The following CRYZ variants were observed in gnomAD, a reference collection of about 807,000 sequenced individuals.
CRYZ encodes the protein crystallin zeta, also known as zeta-crystallin.
CRYZ carries 35 observed loss-of-function variants against 34.1 expected under a neutral mutation model. The ratio of observed to expected loss-of-function variants is 1.03; its 90% CI spans 0.78 to 1.36. CRYZ has a LOEUF of 1.36. Ranked by LOEUF, CRYZ falls within the 40% of genes most tolerant of loss-of-function variation. The probability of loss-of-function intolerance (pLI) is 0.00; values close to 1 mark genes in which losing one functional copy is unlikely to be tolerated. For synonymous variants in CRYZ, 137 were observed against 136.5 expected, an observed-to-expected ratio of 1.00 and a Z score of -0.03; for missense variants, 403 against 391.8, an observed-to-expected ratio of 1.03 and a Z score of -0.24.
At chr1:74,714,983 C>G (rs915582961) in intron 4 of CRYZ, among the ~76,000 whole-genome samples, 1 of 152,092 alleles carries the variant, frequency 6.6e-6, no homozygotes. Flanking sequence ...CCATATATCC[C>G]CCACAGAAAG....
chr1:74,707,430 G>A, intron 6 of CRYZ: 1 of 303,250 alleles, frequency 3.3e-6, no homozygotes, highest in South Asian at 9.6e-5. Flanking sequence ...TAAATACATT[G>A]CTGTAGTGAA....
chr1:74,724,136 A>G (rs1647221553), intron 2 of CRYZ, among the ~76,000 whole-genome samples: 1 of 152,210 alleles, frequency 6.6e-6, no homozygotes, highest in Admixed American at 6.6e-5. Context: ...GTATCTCTAC[A>G]TGGAGAGGAA....
chr1:74,711,527 T>G (rs886604154), intron 5 of CRYZ, among the ~76,000 whole-genome samples: 2 of 152,234 alleles, frequency 1.3e-5, no homozygotes, highest in African/African-American at 4.8e-5. Flanking sequence ...CTGTCTCCTA[T>G]GTCTTTGGCC....
At chr1:74,719,571 T>C (rs1294062700) in intron 3 of CRYZ, among the ~76,000 whole-genome samples, 199 bp from the exon 4 acceptor site, 2 of 151,720 alleles carry the variant, frequency 1.3e-5, no homozygotes, top group African/African-American at 4.8e-5. Flanking sequence ...TCTCAGCTCA[T>C]TGCAACCTCC....
chr1:74,721,707 A>G (rs1647167134), intron 3 of CRYZ, among the ~76,000 whole-genome samples: 1 of 152,236 alleles, frequency 6.6e-6, no homozygotes. Flanking sequence ...CTCAAATCCC[A>G]GAAGTCACCA....
At chr1:74,731,585 G>A (rs1647742772) in intron 1 of CRYZ, among the ~76,000 whole-genome samples, 1 of 152,174 alleles carries the variant, frequency 6.6e-6, no homozygotes, top group African/African-American at 2.4e-5. Flanking sequence ...AGATAGGACG[G>A]GGTAAGAAGA....
intron 1 of CRYZ, among the ~76,000 whole-genome samples, chr1:74,732,436 T>A (rs114297290): frequency 0.022 from 3,295 of 148,318 alleles, 89 homozygotes; most frequent in African/African-American, 0.078. Context: ...GGAGAAGAAA[T>A]CCCCTACAGC....
chr1:74,730,128 T>TCC (rs139883130), intron 1 of CRYZ, among the ~76,000 whole-genome samples: 35 of 151,718 alleles, frequency 2.3e-4, no homozygotes, highest in African/African-American at 8.2e-4. Flanking sequence ...TCTGTATCTT[T>TCC]CCCCCCCCAC....
chr1:74,727,051 A>T (rs1176073139), intron 1 of CRYZ, among the ~76,000 whole-genome samples: 2 of 151,776 alleles, frequency 1.3e-5, no homozygotes, highest in African/African-American at 4.8e-5. Flanking sequence ...TTTTGGTCAA[A>T]GCCATTCAAC....
chr1:74,726,884 G>T (rs185758403), intron 1 of CRYZ, among the ~76,000 whole-genome samples: 1 of 152,186 alleles, frequency 6.6e-6, no homozygotes, highest in Non-Finnish European at 1.5e-5. Flanking sequence ...ATCATCTTAG[G>T]TTCAATGCTC....
intron 1 of CRYZ, among the ~76,000 whole-genome samples, chr1:74,730,018 C>T (rs944736484): frequency 2.1e-4 from 32 of 152,060 alleles, no homozygotes; most frequent in Non-Finnish European, 3.5e-4. Context: ...TTTCCATTTT[C>T]GATATCTACC....
intron 3 of CRYZ, among the ~76,000 whole-genome samples, chr1:74,721,449 G>C (rs924629471): frequency 2.0e-5 from 3 of 152,126 alleles, no homozygotes; most frequent in Non-Finnish European, 4.4e-5. Context: ...AATTTTAAGA[G>C]TCTCCCTGAA....
chr1:74,719,332 C>A lies in CRYZ; in HGVS notation c.305G>T (p.Gly102Val). ...TGCTGCAAGAGCATACTCTGCATAA[C>A]CCCCAGAGATCGTGCTGCTAGTGAA... Reference protein sequence around the residue: ...RVFTSSTISGGYAEYALAADH... With the variant: ...RVFTSSTISGVYAEYALAADH... Residue 102 changes from glycine (G) to valine (V), a missense_variant, in exon 4 of 9, where the codon GGT becomes GTT. Physicochemically the swap from Gly to Val is moderately radical, Grantham distance 109. Coordinates refer to ENST00000340866, the MANE Select transcript of CRYZ (RefSeq NM_001889.4). 6.2e-7 allele frequency: 1 copy of A among 1,613,090 alleles called. No individual in the cohort carries two copies. The highest frequency in any genetic ancestry group is 8.5e-7 in the Non-Finnish European group (1 of 1,179,176).
At chr1:74,732,381 G>C (rs1341602081) in intron 1 of CRYZ, among the ~76,000 whole-genome samples, 1 of 123,698 alleles carries the variant, frequency 8.1e-6, no homozygotes, top group Non-Finnish European at 1.7e-5. Context: ...CCTAGGAGAA[G>C]AAATCAAATC....
chr1:74,721,738 C>T (rs535275865), intron 3 of CRYZ, among the ~76,000 whole-genome samples: 3 of 152,232 alleles, frequency 2.0e-5, no homozygotes, highest in African/African-American at 4.8e-5. Context: ...ACAAGAGAGG[C>T]GCTATCTGCA....
At chr1:74,716,188 C>CTGTGTG (rs143357419) in intron 4 of CRYZ, among the ~76,000 whole-genome samples, 4 of 151,222 alleles carry the variant, frequency 2.6e-5, no homozygotes, top group African/African-American at 9.8e-5. Context: ...ATCAATCAAT[C>CTGTGTG]TGTGTGCGCG....
At chr1:74,720,696 G>A (rs556289252) in intron 3 of CRYZ, among the ~76,000 whole-genome samples, 2 of 152,238 alleles carry the variant, frequency 1.3e-5, no homozygotes, top group East Asian at 3.9e-4. Context: ...TGGTTGCCCA[G>A]AAATGTCAAA....
intron 4 of CRYZ, 74 bp downstream of exon 4, chr1:74,719,135 G>T: frequency 6.9e-7 from 1 of 1,450,346 alleles, no homozygotes; most frequent in South Asian, 1.2e-5. Context: ...TGGATGGACA[G>T]ACAGCTAGAA....
intron 3 of CRYZ, among the ~76,000 whole-genome samples, chr1:74,720,218 T>TA (rs1215151723): frequency 6.6e-6 from 1 of 152,142 alleles, no homozygotes. Flanking sequence ...ACACCTACTC[T>TA]AAATCCCATC....
Sources: gnomAD v4.1 joint callset for allele counts (sites outside exome capture counted in the v4.1 genomes callset) on GRCh38, gnomAD v4.1.1 for gene constraint, MANE v1.5 for transcripts, NCBI Gene and HGNC (gene_info 2026-07-23, HGNC 2026-07-21) for gene names.